The following MDGA2 variants were observed in gnomAD, a reference collection of about 807,000 sequenced individuals.
The protein encoded by MDGA2 is MAM domain containing glycosylphosphatidylinositol anchor 2, also known as MAM domain-containing glycosylphosphatidylinositol anchor protein 2.
A neutral mutation model predicts 117.8 loss-of-function variants in MDGA2; 40 were observed. The ratio of observed to expected loss-of-function variants is 0.34; its 90% CI spans 0.26 to 0.44. The LOEUF is 0.44. Among genes scored for constraint, MDGA2 ranks in the 20% least tolerant of loss-of-function variants. MDGA2 has a pLI of 1.00. For synonymous variants in MDGA2, 452 were observed against 439.0 expected, an observed-to-expected ratio of 1.03 and a Z score of -0.37; for missense variants, 1,123 against 1,250.6, an observed-to-expected ratio of 0.90 and a Z score of 1.54.
intron 1 of MDGA2, among the ~76,000 whole-genome samples, chr14:47,536,050 T>C (rs1009926989): frequency 1.3e-5 from 2 of 152,164 alleles, no homozygotes; most frequent in African/African-American, 4.8e-5. Flanking sequence ...TGAAAGTCAT[T>C]AAGTGTGTCC....
rs1477357010 is a variant in MDGA2, at chr14:47,609,428, C to CACATATATATATATAT, written c.280+65088_280+65089insATATATATATATATGT. ...TTTCTATGGCTGAGTAGTATTCCAT[C>CACATATATATATATAT]ATATATATATATATATATATATATA... On this transcript the variant is annotated intron_variant, in intron 1 of 16. Transcript: ENST00000399232. Among the ~76,000 whole-genome samples the CACATATATATATATAT allele has an allele frequency of 2.2e-3, 39 of 17,562 alleles. 1 individual carries two copies. The highest frequency in any genetic ancestry group is 6.6e-3 in the Admixed American group (7 of 1,060). The allele number at this position is 17,562 out of a possible 152,430, so 11.5% of individuals were successfully genotyped here.
At chr14:46,940,157 C>CTGT (rs1555336687) in intron 9 of MDGA2, among the ~76,000 whole-genome samples, 7 of 151,254 alleles carry the variant, frequency 4.6e-5, no homozygotes, top group Admixed American at 4.0e-4. Flanking sequence ...ATCATATTTG[C>CTGT]TATATCACTA....
intron 1 of MDGA2, among the ~76,000 whole-genome samples, chr14:47,489,313 T>C (rs1348063336): frequency 6.6e-6 from 1 of 152,132 alleles, no homozygotes; most frequent in African/African-American, 2.4e-5. Context: ...GGTTGTATAC[T>C]GAATTTATGA....
intron 1 of MDGA2, among the ~76,000 whole-genome samples, chr14:47,475,928 G>A (rs931424915): frequency 2.0e-4 from 31 of 152,120 alleles, no homozygotes; most frequent in African/African-American, 7.2e-4. Context: ...ACATGTTTGT[G>A]CAGCAAACAG....
At chr14:47,654,120 C>T (rs1156723177) in intron 1 of MDGA2, among the ~76,000 whole-genome samples, 1 of 152,122 alleles carries the variant, frequency 6.6e-6, no homozygotes, top group Admixed American at 6.5e-5. Flanking sequence ...TTCACCTCTA[C>T]AAATTGTGTA....
chr14:46,883,136 C>A (rs1882530275), intron 10 of MDGA2, among the ~76,000 whole-genome samples: 2 of 151,782 alleles, frequency 1.3e-5, no homozygotes, highest in Admixed American at 1.3e-4. Flanking sequence ...TTAATTTAAA[C>A]CAAAAAGGAT....
At chr14:47,038,697 G>A (rs1049950387) in intron 7 of MDGA2, among the ~76,000 whole-genome samples, 1 of 151,788 alleles carries the variant, frequency 6.6e-6, no homozygotes, top group Non-Finnish European at 1.5e-5. Flanking sequence ...CAGTACTTTG[G>A]GCGGCCGAGG....
At chr14:47,312,658 C>T (rs1889671518) in intron 1 of MDGA2, among the ~76,000 whole-genome samples, 1 of 150,578 alleles carries the variant, frequency 6.6e-6, no homozygotes, top group African/African-American at 2.4e-5. Flanking sequence ...GTCATGCCAC[C>T]ATGCCCAGCT....
At chr14:46,843,030 A>G (rs1880680776) in intron 16 of MDGA2, among the ~76,000 whole-genome samples, 1 of 152,226 alleles carries the variant, frequency 6.6e-6, no homozygotes, top group African/African-American at 2.4e-5. Flanking sequence ...TTCAATTAAG[A>G]TTATTTATTT....
intron 15 of MDGA2, among the ~76,000 whole-genome samples, chr14:46,851,898 T>C (rs909591968): frequency 2.5e-5 from 3 of 121,304 alleles, no homozygotes; most frequent in South Asian, 2.6e-4. Context: ...TTATAAAAGA[T>C]TTTTGGGTAA....
At chr14:47,531,349 A>G (rs550975143) in intron 1 of MDGA2, among the ~76,000 whole-genome samples, 6 of 152,324 alleles carry the variant, frequency 3.9e-5, no homozygotes, top group African/African-American at 1.4e-4. Flanking sequence ...TTCAAATATG[A>G]TCACTCTCAA....
chr14:47,505,487 G>T (rs1403349081), intron 1 of MDGA2, among the ~76,000 whole-genome samples: 1 of 152,050 alleles, frequency 6.6e-6, no homozygotes, highest in Non-Finnish European at 1.5e-5. Context: ...ATTAAGATGT[G>T]TCAAAATATT....
intron 8 of MDGA2, among the ~76,000 whole-genome samples, chr14:47,004,590 C>T (rs1887646562): frequency 6.6e-6 from 1 of 151,440 alleles, no homozygotes; most frequent in African/African-American, 2.4e-5. Flanking sequence ...CAACTTTTGC[C>T]ACACCAAAAT....
At chr14:47,153,242 T>A (rs1488412345) in intron 3 of MDGA2, among the ~76,000 whole-genome samples, 2 of 152,142 alleles carry the variant, frequency 1.3e-5, no homozygotes, top group Non-Finnish European at 2.9e-5. Flanking sequence ...AAGGTTGTGG[T>A]AACAACTGAG....
At chr14:47,665,725 G>A (rs1897935786) in intron 1 of MDGA2, among the ~76,000 whole-genome samples, 7 of 152,112 alleles carry the variant, frequency 4.6e-5, no homozygotes, top group Admixed American at 4.6e-4. Context: ...TGGCCCACCA[G>A]CACTGCACTT....
intron 8 of MDGA2, among the ~76,000 whole-genome samples, chr14:46,987,293 G>A (rs1886895381): frequency 6.6e-6 from 1 of 152,086 alleles, no homozygotes; most frequent in Admixed American, 6.6e-5. Flanking sequence ...TGATGAATGA[G>A]TCCTCTTGGT....
intron 9 of MDGA2, among the ~76,000 whole-genome samples, chr14:46,926,667 T>A (rs1015473525): frequency 7.9e-5 from 7 of 89,102 alleles, no homozygotes; most frequent in Non-Finnish European, 1.3e-4. Flanking sequence ...TTCAAATTAA[T>A]GAATCTTGAG....
At chr14:46,844,499 T>C (rs1880742679) in intron 16 of MDGA2, among the ~76,000 whole-genome samples, 1 of 152,016 alleles carries the variant, frequency 6.6e-6, no homozygotes, top group Non-Finnish European at 1.5e-5. Context: ...GAGAATCACT[T>C]GAACCCGGGA....
intron 8 of MDGA2, among the ~76,000 whole-genome samples, chr14:46,967,946 G>A (rs372713844): frequency 1.4e-4 from 22 of 152,154 alleles, no homozygotes; most frequent in African/African-American, 4.1e-4. Context: ...TGCAGATGCC[G>A]GGAAAGAGTG....
Sources: gnomAD v4.1 joint callset for allele counts (sites outside exome capture counted in the v4.1 genomes callset) on GRCh38, gnomAD v4.1.1 for gene constraint, MANE v1.5 for transcripts, NCBI Gene and HGNC (gene_info 2026-07-23, HGNC 2026-07-21) for gene names.